GRB2: variants seen among roughly 807,000 people sequenced by gnomAD.
GRB2 encodes growth factor receptor bound protein 2.
A neutral mutation model predicts 27.4 loss-of-function variants in GRB2; 2 were observed. That is an observed-to-expected ratio of 0.07 (90% CI 0.03 to 0.23). The LOEUF is 0.23. Ranked by LOEUF, GRB2 falls within the 10% of genes least tolerant of loss-of-function variation. GRB2 has a pLI of 1.00. For missense variants in GRB2, 102 were observed against 282.4 expected, an observed-to-expected ratio of 0.36 and a Z score of 4.58; for synonymous variants, 94 against 99.6, an observed-to-expected ratio of 0.94 and a Z score of 0.33.
At chr17:75,341,106 T>C (rs1179139373) in intron 2 of GRB2, among the ~76,000 whole-genome samples, 2 of 151,842 alleles carry the variant, frequency 1.3e-5, no homozygotes, top group Non-Finnish European at 2.9e-5. Context: ...AACCAGAAAG[T>C]TGAGAAGAAA....
At chr17:75,345,388 G>A (rs1273147980) in intron 2 of GRB2, among the ~76,000 whole-genome samples, 2 of 152,094 alleles carry the variant, frequency 1.3e-5, no homozygotes, top group African/African-American at 4.8e-5. Context: ...ATGATTCAAG[G>A]GGTCAATGAA....
At chr17:75,339,359 A>AT (rs1567860608) in intron 2 of GRB2, among the ~76,000 whole-genome samples, 1 of 151,056 alleles carries the variant, frequency 6.6e-6, no homozygotes, top group East Asian at 2.0e-4. Context: ...ACGCCCGGCT[A>AT]TTTTTTTGTA....
chr17:75,363,196 G>A (rs1036024434), intron 2 of GRB2, among the ~76,000 whole-genome samples: 1 of 152,114 alleles, frequency 6.6e-6, no homozygotes, highest in Non-Finnish European at 1.5e-5. Context: ...AGAGCCAAGA[G>A]TCCCATTCTC....
At chr17:75,386,960 G>C (rs2078967839) in intron 2 of GRB2, among the ~76,000 whole-genome samples, 1 of 106,844 alleles carries the variant, frequency 9.4e-6, no homozygotes, top group Non-Finnish European at 2.3e-5. Context: ...CAGATCACGA[G>C]GTCAGAGGAT....
chr17:75,355,862 C>T (rs1459915887), intron 2 of GRB2, among the ~76,000 whole-genome samples: 2 of 138,818 alleles, frequency 1.4e-5, no homozygotes, highest in South Asian at 2.2e-4. Flanking sequence ...CTTGCTCTGT[C>T]GCCTAGGTTG....
At chr17:75,383,134 T>C (rs2078940365) in intron 2 of GRB2, among the ~76,000 whole-genome samples, 1 of 151,486 alleles carries the variant, frequency 6.6e-6, no homozygotes, top group Non-Finnish European at 1.5e-5. Flanking sequence ...TCGACCTTAA[T>C]ATCCTTAAAG....
In GRB2 at chr17:75,393,729, G is replaced by C; in HGVS notation, c.-101C>G. On this transcript the variant is annotated 5_prime_UTR_variant, in exon 2 of 6. Transcript: ENST00000316804. ...TGGGCTTAGCCTCGCCTCTCTTCTG[G>C]GACTCGCTCCGGCACTCTGGGACAC... 1 of 875,464 alleles carries C rather than the reference G, an allele frequency of 1.1e-6. No homozygotes were observed. The highest frequency in any genetic ancestry group is 1.9e-6 in the Non-Finnish European group (1 of 530,706). The allele number at this position is 875,464 out of a possible 1,614,324, so 54.2% of individuals were successfully genotyped here. A position where few individuals can be genotyped will look rare whatever the true frequency, so the allele number is the denominator to read the frequency against.
At chr17:75,377,386 C>G (rs2078900923) in intron 2 of GRB2, among the ~76,000 whole-genome samples, 1 of 151,516 alleles carries the variant, frequency 6.6e-6, no homozygotes, top group South Asian at 2.1e-4. Context: ...TTTGGGAGGT[C>G]AAGGCAGGAG....
intron 2 of GRB2, among the ~76,000 whole-genome samples, chr17:75,368,152 T>C (rs1861392143): frequency 1.3e-5 from 2 of 151,712 alleles, no homozygotes; most frequent in South Asian, 2.1e-4. Context: ...TGACCTCAAG[T>C]GATCCACTCG....
At chr17:75,372,891 T>G (rs1773469766) in intron 2 of GRB2, 2 of 152,156 alleles carry the variant, frequency 1.3e-5, no homozygotes, top group South Asian at 4.1e-4. Flanking sequence ...AAACACCAAT[T>G]TATAAGCTTT....
intron 2 of GRB2, 79 bp from the exon 3 acceptor site, chr17:75,332,876 A>C (rs2078550298): frequency 2.2e-6 from 2 of 905,806 alleles, no homozygotes; most frequent in Admixed American, 2.1e-5. Context: ...CAATTATGCT[A>C]TCTTTTAGGT....
At chr17:75,350,605 C>A (rs533929924) in intron 2 of GRB2, among the ~76,000 whole-genome samples, 184 of 152,276 alleles carry the variant, frequency 1.2e-3, no homozygotes, top group Non-Finnish European at 2.0e-3. Flanking sequence ...CATTCTCCTG[C>A]CTCAACCTCC....
chr17:75,352,890 T>A (rs9904320), intron 2 of GRB2, among the ~76,000 whole-genome samples: 96,798 of 149,520 alleles, frequency 0.65, 36,978 homozygotes, highest in East Asian at 0.87. Flanking sequence ...TTTTTTTTTT[T>A]AAAAGACATA....
chr17:75,369,419 G>A (rs1207748188), intron 2 of GRB2, among the ~76,000 whole-genome samples: 3 of 152,012 alleles, frequency 2.0e-5, no homozygotes, highest in Non-Finnish European at 2.9e-5. Flanking sequence ...ATTTAAGAAG[G>A]CAAAATATAA....
At chr17:75,345,591 T>A (rs1397404212) in intron 2 of GRB2, among the ~76,000 whole-genome samples, 2 of 152,134 alleles carry the variant, frequency 1.3e-5, no homozygotes, top group Admixed American at 1.3e-4. Flanking sequence ...TAGTTCCAAA[T>A]GCATTTTCTA....
intron 2 of GRB2, among the ~76,000 whole-genome samples, chr17:75,352,169 G>C (rs1161810018): frequency 1.3e-5 from 2 of 152,182 alleles, no homozygotes; most frequent in Non-Finnish European, 2.9e-5. Flanking sequence ...ACACAGCTCA[G>C]GAGGAGCAGG....
intron 2 of GRB2, among the ~76,000 whole-genome samples, chr17:75,333,849 A>G (rs1598221439): frequency 6.6e-6 from 1 of 152,210 alleles, no homozygotes; most frequent in Non-Finnish European, 1.5e-5. Flanking sequence ...ACTGCATTCT[A>G]CAGATGTAAA....
chr17:75,354,693 A>G (rs1380116619), intron 2 of GRB2, among the ~76,000 whole-genome samples: 3 of 152,216 alleles, frequency 2.0e-5, no homozygotes, highest in African/African-American at 4.8e-5. Context: ...GGAAGAGCCC[A>G]CTGCAGTCTT....
intron 2 of GRB2, chr17:75,393,278 T>C (rs1401741656): frequency 2.0e-6 from 1 of 511,668 alleles, no homozygotes; most frequent in East Asian, 3.3e-5. Context: ...CTTTCTACAA[T>C]CACATTACTT....
Sources: allele counts gnomAD v4.1 joint callset (sites outside exome capture counted in the v4.1 genomes callset), GRCh38; gene constraint gnomAD v4.1.1; transcripts MANE v1.5; gene names NCBI Gene and HGNC (gene_info 2026-07-23, HGNC 2026-07-21).